Variants in COL28A1 observed in about 807,000 individuals in gnomAD.
COL28A1 encodes the protein collagen alpha-1(XXVIII) chain.
COL28A1 carries 161 observed loss-of-function variants against 150.2 expected under a neutral mutation model. That is an observed-to-expected ratio of 1.07 (90% CI 0.94 to 1.22). The LOEUF is 1.22. Among genes scored for constraint, COL28A1 ranks in the 50% most tolerant of loss-of-function variants. The pLI is 0.00. For missense variants in COL28A1, 1,617 were observed against 1,388.3 expected (o/e 1.16, Z -2.62); for synonymous variants, 552 against 469.7 (o/e 1.18, Z -2.26).
intron 25 of COL28A1, among the ~76,000 whole-genome samples, chr7:7,424,578 G>A (rs1784550055): frequency 1.3e-5 from 2 of 152,122 alleles, no homozygotes; most frequent in Non-Finnish European, 1.5e-5. Context: ...AGGGTTGTTG[G>A]AGCCTGCAGA....
At chr7:7,380,937 G>C (rs905158459) in intron 28 of COL28A1, 75 bp from the exon 29 acceptor site, 1 of 1,306,888 alleles carries the variant, frequency 7.7e-7, no homozygotes, top group African/African-American at 1.5e-5. Flanking sequence ...CTATAATTTG[G>C]TTATCTGCAA....
rs138461855 is a variant in COL28A1 at position 7,446,865 on chromosome 7, C to T, written c.1510-2376G>A. On this transcript the variant is annotated intron_variant, in intron 18 of 34. Coordinates refer to ENST00000399429, the MANE Select transcript of COL28A1 (RefSeq NM_001037763.3). ...ATCAAAAGTTCACAGAGTAGATTAC[C>T]AGAAAGAGTTACACAGAGAAAACTA... 2.6e-5 allele frequency among the ~76,000 whole-genome samples: 4 copies of T among 152,226 alleles called. No individual in the cohort carries two copies. In the East Asian group the frequency reaches 7.7e-4, roughly 29 times the overall value.
At chr7:7,355,447 T>C (rs1314703936), downstream of COL28A1, among the ~76,000 whole-genome samples, 2 of 151,830 alleles carry the variant, frequency 1.3e-5, no homozygotes, top group Non-Finnish European at 2.9e-5. Flanking sequence ...CCACTCCTAC[T>C]AAAAATACAA....
chr7:7,431,025 T>C (rs1241653614), intron 25 of COL28A1, among the ~76,000 whole-genome samples: 2 of 152,178 alleles, frequency 1.3e-5, no homozygotes, highest in Non-Finnish European at 2.9e-5. Context: ...CTTTTAAAGA[T>C]GAAATTTAGT....
Position 7,419,895 on chromosome 7 carries a change from TG to T in COL28A1, c.2056del (p.Gln686LysfsTer86). 6.3e-7 allele frequency: 1 copy of T among 1,599,008 alleles called. No homozygotes were observed. The highest frequency in any genetic ancestry group is 1.7e-5 in the Admixed American group (1 of 57,380). On this transcript the variant is annotated frameshift_variant, in exon 26 of 35. Transcript: ENST00000399429. LOFTEE classifies it high-confidence loss of function. The stretch of plus-strand genomic sequence containing the variant: ...GAGCTGAGGACTCACCTTTGGCCCT[TG>T]GGTTCCTACGCCCCGAGGCCCAGAA... Reference protein sequence around the residue: ...GPSGPRGVGTQGPKGDTGQKG... With the variant: ...GPSGPRGVGTXGPKGDTGQKG...
downstream of COL28A1, among the ~76,000 whole-genome samples, chr7:7,357,382 C>T (rs964959546): frequency 7.9e-5 from 12 of 151,668 alleles, no homozygotes; most frequent in African/African-American, 2.2e-4. Flanking sequence ...AATATGTGGC[C>T]GGGCGGGGTG....
chr7:7,486,024 A>C (rs1779607053), intron 13 of COL28A1, among the ~76,000 whole-genome samples: 2 of 152,196 alleles, frequency 1.3e-5, no homozygotes, highest in South Asian at 4.1e-4. Flanking sequence ...CATTTGCACT[A>C]AACTTTTACA....
chr7:7,349,028 G>T, the COL28A1 span, among the ~76,000 whole-genome samples: 1 of 152,086 alleles, frequency 6.6e-6, no homozygotes, highest in Non-Finnish European at 1.5e-5. Context: ...TTATAGGCAT[G>T]AGCCACTGTA....
intron 25 of COL28A1, among the ~76,000 whole-genome samples, chr7:7,430,834 T>C (rs759580118): frequency 1.8e-4 from 27 of 152,218 alleles, no homozygotes; most frequent in Non-Finnish European, 3.2e-4. Context: ...GTGCAGTTTA[T>C]TGATACAGTT....
chr7:7,375,486 A>C lies in COL28A1; in HGVS notation c.2334T>G (p.Ile778Met). 1 of 1,562,612 alleles carries C rather than the reference A, an allele frequency of 6.4e-7. No individual in the cohort carries two copies. The highest frequency in any genetic ancestry group is 8.8e-7 in the Non-Finnish European group (1 of 1,141,150). Residue 778 changes from isoleucine (I) to methionine (M), a missense_variant, in exon 31 of 35, where the codon ATT (isoleucine) becomes ATG (methionine). By Grantham distance (10) the Ile-to-Met change is conservative. Transcript: ENST00000399429. The stretch of plus-strand genomic sequence containing the variant: ...CACATATTTCTGTAATAAGTTTGAT[A>C]ATTTCTTCTTTCTAGGGGATAAAAA... ...KGDLGLTKEE[I>M]IKLITEICGC... is the part of the protein sequence containing the mutation.
At chr7:7,370,689 T>C (rs1458987709) in intron 33 of COL28A1, 36 bp downstream of exon 33, 1 of 1,565,598 alleles carries the variant, frequency 6.4e-7, no homozygotes, top group African/African-American at 1.4e-5. Flanking sequence ...GAATACACCA[T>C]TTTAAGCTCA....
rs150049522 is a variant in COL28A1, at chr7:7,380,773, A to G, written c.2286+9T>C. 288 of 1,613,474 alleles carry G rather than the reference A, an allele frequency of 1.8e-4. 1 individual carries two copies. In the East Asian group the frequency reaches 6.4e-3, roughly 36 times the overall value. On this transcript the variant is annotated intron_variant, in intron 29 of 34. Transcript: ENST00000399429. The stretch of plus-strand genomic sequence containing the variant: ...ATAAAATCACAGTGAGACATTAAAA[A>G]CTACTTGCCTGTTTTCCTGGAGATC...
chr7:7,472,793 C>A (rs1788544493), intron 15 of COL28A1, among the ~76,000 whole-genome samples: 1 of 152,146 alleles, frequency 6.6e-6, no homozygotes, highest in African/African-American at 2.4e-5. Context: ...GCCATAGTTA[C>A]CAAAACAGCA....
rs1448745154 is a variant in COL28A1, at chr7:7,509,738, T to C, written c.927+1353A>G. Among the ~76,000 whole-genome samples the C allele has an allele frequency of 2.0e-5, 3 of 152,190 alleles. No individual in the cohort carries two copies. The East Asian group carries it at 5.8e-4, about 29-fold the overall frequency. ...GAAATATGATATCCTTTGTCAACCA[T>C]TTTAATTTCATCTAGTTTTCCCAGG... On this transcript the variant is annotated intron_variant, in intron 9 of 34. Transcript: ENST00000399429.
At chr7:7,463,488 C>A (rs1270935458) in intron 15 of COL28A1, among the ~76,000 whole-genome samples, 1 of 152,144 alleles carries the variant, frequency 6.6e-6, no homozygotes, top group East Asian at 1.9e-4. Flanking sequence ...AGAAACTCTA[C>A]AAGCTAGAAG....
intron 27 of COL28A1, among the ~76,000 whole-genome samples, chr7:7,390,414 T>C (rs558705637): frequency 6.6e-6 from 1 of 152,336 alleles, no homozygotes; most frequent in Non-Finnish European, 1.5e-5. Context: ...TTGAGAATTT[T>C]TGCATTGATG....
At chr7:7,509,793 C>A (rs948905119) in intron 9 of COL28A1, among the ~76,000 whole-genome samples, 2 of 152,134 alleles carry the variant, frequency 1.3e-5, no homozygotes, top group African/African-American at 4.8e-5. Flanking sequence ...CTATTCTATT[C>A]TATGTGTGTC....
At chr7:7,434,459 A>G (rs958856527) in intron 23 of COL28A1, among the ~76,000 whole-genome samples, 3 of 152,224 alleles carry the variant, frequency 2.0e-5, no homozygotes, top group Admixed American at 6.5e-5. Context: ...GAGGGCCAAC[A>G]ACAAACTAAA....
intron 15 of COL28A1, among the ~76,000 whole-genome samples, chr7:7,464,205 A>G (rs6972142): frequency 0.098 from 14,875 of 152,248 alleles, 897 homozygotes; most frequent in Middle Eastern, 0.21. Flanking sequence ...CAGCAACACA[A>G]TAATAGTGGG....
Sources: allele counts gnomAD v4.1 joint callset (sites outside exome capture counted in the v4.1 genomes callset), GRCh38; gene constraint gnomAD v4.1.1; transcripts MANE v1.5; gene names NCBI Gene and HGNC (gene_info 2026-07-23, HGNC 2026-07-21).